ERAP1: variants seen among roughly 807,000 people sequenced by gnomAD.
The protein encoded by ERAP1 is adipocyte-derived leucine aminopeptidase.
In ERAP1, 86 loss-of-function variants were observed where a neutral mutation model predicts 103.7. That is an observed-to-expected ratio of 0.83 (90% confidence interval 0.70 to 0.99). ERAP1 has a LOEUF of 0.99. ERAP1 is among the 50% of genes least tolerant of loss of function. ERAP1 has a pLI of 0.00. For missense variants in ERAP1, 1,009 were observed against 1,128.4 expected (o/e 0.89, Z 1.52); for synonymous variants, 398 against 402.4 (o/e 0.99, Z 0.13).
chr5:96,807,990 C>G (rs1423427246), upstream of ERAP1: 1 of 985,624 alleles, frequency 1.0e-6, no homozygotes, highest in Non-Finnish European at 1.2e-6. Flanking sequence ...CGCTTCGGCC[C>G]GAGCCCTAGC....
the ERAP1 span, among the ~76,000 whole-genome samples, chr5:96,840,160 C>T: frequency 6.6e-6 from 1 of 152,150 alleles, no homozygotes; most frequent in South Asian, 2.1e-4. Flanking sequence ...TCCTAAGGAC[C>T]TCCATCTTTC....
chr5:96,928,041 G>A, the ERAP1 span, among the ~76,000 whole-genome samples: 1 of 152,170 alleles, frequency 6.6e-6, no homozygotes, highest in East Asian at 1.9e-4. Flanking sequence ...GAGTAGCTGG[G>A]ATTACAGACA....
rs915728679 is a variant in ERAP1 at position 96,775,744 on chromosome 5, A to G, written c.*652T>C. ...AAGAGGGTCCCCTCTCGGAGCTAAG[A>G]CCCTCAGGGGAGGCCAGCCCGAGGC... On this transcript the variant is annotated 3_prime_UTR_variant, in exon 19 of 19. Coordinates refer to ENST00000443439, the MANE Select transcript of ERAP1 (RefSeq NM_001040458.3). The G allele has an allele frequency of 9.9e-6, 2 of 202,648 alleles. No homozygotes were observed. The highest frequency in any genetic ancestry group is 1.8e-5 in the Non-Finnish European group (2 of 114,094). The allele number at this position is 202,648 out of a possible 1,614,324, so 12.6% of individuals were successfully genotyped here. A position where few individuals can be genotyped will look rare whatever the true frequency, so the allele number is the denominator to read the frequency against.
rs536384168 is a variant in ERAP1 at position 96,787,328 on chromosome 5, C to T, written c.1680-779G>A. Among the ~76,000 whole-genome samples the T allele has an allele frequency of 3.9e-5, 6 of 152,110 alleles. No homozygotes were observed. In the South Asian group the frequency reaches 1.2e-3, roughly 32 times the overall value. On this transcript the variant is annotated intron_variant, in intron 11 of 18. Transcript: ENST00000443439. ...TTGTCCAGGCTGGAGTGCAGTGGTG[C>T]GATCTCGGCTCACTGCAACCTCCAC...
chr5:96,772,830 A>AT (rs1278376584), downstream of ERAP1: 1 of 153,006 alleles, frequency 6.5e-6, no homozygotes, highest in African/African-American at 2.4e-5. Flanking sequence ...TGTACTGAGT[A>AT]TTGATAAACT....
the ERAP1 span, among the ~76,000 whole-genome samples, chr5:96,847,836 G>A: frequency 6.6e-6 from 1 of 152,162 alleles, no homozygotes; most frequent in African/African-American, 2.4e-5. Flanking sequence ...TAACAGAGAA[G>A]TTTATAGCAT....
Position 96,788,549 on chromosome 5 carries a change from T to A in ERAP1, c.1661A>T (p.Asp554Val). 6.2e-7 allele frequency: 1 copy of A among 1,614,174 alleles called. No individual in the cohort carries two copies. Among genetic ancestry groups the A allele is most frequent in the South Asian group, 1.1e-5 (1 of 91,086 alleles). Residue 554 changes from aspartate to valine, a missense_variant, in exon 11 of 19, where the codon GAC becomes GTC. Asp to Val is a radical substitution (Grantham distance 152). This residue lies in a region of ERAP1 where 611 missense variants were observed against 651.7 expected (regional missense o/e 0.94). Transcript: ENST00000443439. ...MKQEHYMKGS[D>V]GAPDTGYLWH... ...GCATTACCCAGTGTCCGGGGCGCCG[T>A]CAGAGCCCTTCATGTAGTGCTCTTG...
intron 19 of ERAP1, chr5:96,766,064 A>G: frequency 6.2e-7 from 1 of 1,600,216 alleles, no homozygotes; most frequent in Non-Finnish European, 8.6e-7. Flanking sequence ...AAAAAGCTAA[A>G]GCTGAACATA....
At chr5:96,812,659 T>G (rs1779218751), upstream of ERAP1, among the ~76,000 whole-genome samples, 1 of 152,252 alleles carries the variant, frequency 6.6e-6, no homozygotes, top group Non-Finnish European at 1.5e-5. Context: ...GAAAAATAAC[T>G]TTTCAAAACC....
Position 96,790,355 on chromosome 5 carries a change from CT to C in ERAP1, c.1464del (p.Asp489MetfsTer3). On this transcript the variant is annotated frameshift_variant, in exon 10 of 19. Coordinates refer to ENST00000443439, the MANE Select transcript of ERAP1 (RefSeq NM_001040458.3). LOFTEE classifies it high-confidence loss of function. Reference sequence around the variant, plus strand: ...AAGCCATCCATCCCTTTTACACCATCTGTAGGGCAAATCTAAAAACCAAAAA... The same window carrying C: ...AAGCCATCCATCCCTTTTACACCATCGTAGGGCAAATCTAAAAACCAAAAA... The part of the protein sequence containing the change: ...LWDSMASICP[T>X]DGVKGMDGFC... The C allele has an allele frequency of 6.2e-7, 1 of 1,614,080 alleles. No individual in the cohort carries two copies. Among genetic ancestry groups the C allele is most frequent in the South Asian group, 1.1e-5 (1 of 91,086 alleles).
At chr5:96,917,723 G>A in the ERAP1 span, 5 of 707,732 alleles carry the variant, frequency 7.1e-6, no homozygotes, top group Non-Finnish European at 1.1e-5. Context: ...TGGCTAACAC[G>A]GTGAGACCCC....
chr5:96,796,917 C>T (rs1777405319), intron 4 of ERAP1, among the ~76,000 whole-genome samples: 1 of 152,180 alleles, frequency 6.6e-6, no homozygotes, highest in Non-Finnish European at 1.5e-5. Context: ...GTAGCTAGGA[C>T]TAGTAGCAGG....
upstream of ERAP1, chr5:96,808,327 T>C (rs1292293904): frequency 3.7e-6 from 2 of 541,982 alleles, no homozygotes; most frequent in African/African-American, 4.3e-5. Context: ...GTTAGGGGCA[T>C]GCAGGAAAGG....
At chr5:96,829,044 C>T in the ERAP1 span, among the ~76,000 whole-genome samples, 1 of 152,092 alleles carries the variant, frequency 6.6e-6, no homozygotes, top group Non-Finnish European at 1.5e-5. Flanking sequence ...ACAGAGGTTT[C>T]ACCATGTTGG....
chr5:96,915,016 AT>A, the ERAP1 span, among the ~76,000 whole-genome samples: 1 of 151,512 alleles, frequency 6.6e-6, no homozygotes, highest in Non-Finnish European at 1.5e-5. Flanking sequence ...TAATTAATTT[AT>A]TTTTTTTGAG....
chr5:96,848,573 C>G, the ERAP1 span: 1 of 152,176 alleles, frequency 6.6e-6, no homozygotes, highest in Non-Finnish European at 1.5e-5. Context: ...CCTACCAAAA[C>G]TCCATCATGA....
intron 19 of ERAP1, chr5:96,767,472 A>C (rs1770404494): frequency 6.2e-7 from 1 of 1,612,464 alleles, no homozygotes; most frequent in African/African-American, 1.3e-5. Context: ...AAGAAATCAG[A>C]GGATTCAAAG....
chr5:96,900,193 AG>A, the ERAP1 span: 5 of 1,613,448 alleles, frequency 3.1e-6, no homozygotes, highest in Non-Finnish European at 4.2e-6. Context: ...TAACATGGTA[AG>A]GATAAAGAGA....
rs59338324 is a variant in ERAP1, at chr5:96,765,327, T to TAA, written c.2819-2101_2819-2100dup. On this transcript the variant is annotated intron_variant, in intron 19 of 19. Transcript: ENST00000296754. ...AAACCAATGGAAGATAAAGTAAAGGTAAAAAAAAAAAAAAAAAAAAAAAAA... is the reference window on the plus strand; with the variant it reads ...AAACCAATGGAAGATAAAGTAAAGGTAAAAAAAAAAAAAAAAAAAAAAAAAAA... 3.8e-4 allele frequency: 193 copies of TAA among 512,206 alleles called. 1 individual carries two copies. The African/African-American group carries it at 3.8e-3, about 10-fold the overall frequency. 31.7% of individuals were successfully genotyped at this position (512,206 alleles called of 1,614,324 possible).
Sources: gnomAD v4.1 joint callset for allele counts (sites outside exome capture counted in the v4.1 genomes callset) on GRCh38, gnomAD v4.1.1 for gene constraint, gnomAD v4.1.1 regional missense constraint, MANE v1.5 for transcripts, NCBI Gene and HGNC (gene_info 2026-07-23, HGNC 2026-07-21) for gene names.